CDK6: variants seen among roughly 807,000 people sequenced by gnomAD.
CDK6 encodes cyclin dependent kinase 6.
CDK6 carries 6 observed loss-of-function variants against 37.1 expected under a neutral mutation model. That is an observed-to-expected ratio of 0.16 (90% CI 0.09 to 0.32). The LOEUF (loss-of-function observed/expected upper bound fraction) is 0.32. Among genes scored for constraint, CDK6 ranks in the 10% least tolerant of loss-of-function variants. CDK6 has a pLI of 1.00. For missense variants in CDK6, 224 were observed against 418.9 expected (o/e 0.53, Z 4.06); for synonymous variants, 160 against 161.3 (o/e 0.99, Z 0.06).
At chr7:92,666,946 A>G (rs1479199145) in intron 5 of CDK6, among the ~76,000 whole-genome samples, 2 of 152,180 alleles carry the variant, frequency 1.3e-5, no homozygotes, top group African/African-American at 2.4e-5. Flanking sequence ...GTATCCTAGA[A>G]GAAGGCATTG....
chr7:92,705,647 A>C (rs1195349418), intron 4 of CDK6, among the ~76,000 whole-genome samples: 1 of 152,218 alleles, frequency 6.6e-6, no homozygotes, highest in Non-Finnish European at 1.5e-5. Context: ...ATGTTTCTAC[A>C]CAACACTACT....
Position 92,614,210 on chromosome 7 carries a change from C to CAAAAAA in CDK6, c.*924_*929dup. 4.3e-6 allele frequency: 1 copy of CAAAAAA among 232,362 alleles called. No individual in the cohort carries two copies. The highest frequency in any genetic ancestry group is 8.5e-6 in the Non-Finnish European group (1 of 117,766). The allele number at this position is 232,362 out of a possible 1,614,324, so 14.4% of individuals were successfully genotyped here. ...CAACAACAAACAACAATAACAACAA[C>CAAAAAA]AAAAAAAGGGAAGAAAGGAATTTCA... On this transcript the variant is annotated 3_prime_UTR_variant, in exon 8 of 8. Coordinates refer to ENST00000424848, the MANE Select transcript of CDK6 (RefSeq NM_001145306.2).
chr7:92,793,770 T>C (rs1304996547), intron 2 of CDK6, among the ~76,000 whole-genome samples: 2 of 151,966 alleles, frequency 1.3e-5, no homozygotes, highest in African/African-American at 4.8e-5. Flanking sequence ...AAATTAAAAA[T>C]GTTCATTCAT....
chr7:92,649,154 T>A (rs139609582), intron 5 of CDK6, among the ~76,000 whole-genome samples: 2 of 152,176 alleles, frequency 1.3e-5, no homozygotes, highest in East Asian at 3.8e-4. Context: ...AAGCCCTGAG[T>A]CACAGAAACC....
intron 3 of CDK6, among the ~76,000 whole-genome samples, chr7:92,748,815 T>A (rs1049873982): frequency 1.3e-5 from 2 of 152,140 alleles, no homozygotes; most frequent in African/African-American, 4.8e-5. Context: ...ACTACTCATA[T>A]CCCACTCCCA....
chr7:92,717,795 A>G (rs1356640403), intron 4 of CDK6, among the ~76,000 whole-genome samples: 1 of 152,216 alleles, frequency 6.6e-6, no homozygotes, highest in Non-Finnish European at 1.5e-5. Flanking sequence ...TCGCAAATCC[A>G]CTTGGTGCAA....
intron 5 of CDK6, among the ~76,000 whole-genome samples, chr7:92,654,717 TG>T (rs1282719074): frequency 6.6e-6 from 1 of 152,108 alleles, no homozygotes; most frequent in African/African-American, 2.4e-5. Flanking sequence ...GGAAAGGTAG[TG>T]GGAAGAGCTG....
chr7:92,745,366 G>T (rs1378407631), intron 3 of CDK6, among the ~76,000 whole-genome samples: 1 of 152,058 alleles, frequency 6.6e-6, no homozygotes, highest in African/African-American at 2.4e-5. Flanking sequence ...ACACAATTTT[G>T]TCTTCTGTCC....
chr7:92,627,703 C>T (rs995572980), intron 5 of CDK6, among the ~76,000 whole-genome samples: 1 of 151,720 alleles, frequency 6.6e-6, no homozygotes, highest in African/African-American at 2.4e-5. Flanking sequence ...GTTCTAAAAT[C>T]GACTGTGGTG....
chr7:92,691,440 A>T (rs1487731241), intron 4 of CDK6, among the ~76,000 whole-genome samples: 3 of 152,238 alleles, frequency 2.0e-5, no homozygotes, highest in Non-Finnish European at 2.9e-5. Flanking sequence ...TTGAGCACCT[A>T]TTACATATTG....
chr7:92,832,869 GTTTT>G (rs887798086), intron 2 of CDK6, among the ~76,000 whole-genome samples: 1 of 152,158 alleles, frequency 6.6e-6, no homozygotes, highest in African/African-American at 2.4e-5. Flanking sequence ...CTCAGGTCAT[GTTTT>G]TTTGACTTGT....
intron 3 of CDK6, among the ~76,000 whole-genome samples, chr7:92,760,297 A>G (rs554838004): frequency 6.6e-6 from 1 of 152,190 alleles, no homozygotes; most frequent in Admixed American, 6.5e-5. Flanking sequence ...TTATCATATC[A>G]TTTTTCCTAG....
intron 3 of CDK6, among the ~76,000 whole-genome samples, chr7:92,742,742 T>C (rs56149408): frequency 0.014 from 2,068 of 150,554 alleles, 33 homozygotes; most frequent in African/African-American, 0.017. Context: ...CATATATATA[T>C]ACACACACAC....
At position 92,614,724 on chromosome 7, in the gene CDK6, CACACAT is replaced by C. The variant is rs758110983; in HGVS notation, c.*410_*415del. 553 of 265,934 alleles carry C rather than the reference CACACAT, an allele frequency of 2.1e-3. 6 individuals carry two copies. The highest frequency in any genetic ancestry group is 7.5e-4 in the Non-Finnish European group (104 of 138,248). 16.5% of individuals were successfully genotyped at this position (265,934 alleles called of 1,614,324 possible). On this transcript the variant is annotated 3_prime_UTR_variant, in exon 8 of 8. Transcript: ENST00000424848. ...ACACACACACACACACACACACACA[CACACAT>C]GCACACACACACTCAAAAGTACCAA...
chr7:92,818,349 A>G (rs1276050869), intron 2 of CDK6, among the ~76,000 whole-genome samples: 1 of 152,038 alleles, frequency 6.6e-6, no homozygotes, highest in East Asian at 1.9e-4. Flanking sequence ...AAATGAAGAA[A>G]GCAAAGTATT....
intron 4 of CDK6, among the ~76,000 whole-genome samples, chr7:92,723,365 AT>A: frequency 6.6e-6 from 1 of 152,186 alleles, no homozygotes; most frequent in African/African-American, 2.4e-5. Context: ...TTCCTTTAAC[AT>A]TCCACAAATT....
chr7:92,800,086 T>C (rs922710147), intron 2 of CDK6, among the ~76,000 whole-genome samples: 2 of 152,096 alleles, frequency 1.3e-5, no homozygotes, highest in Non-Finnish European at 2.9e-5. Flanking sequence ...CATTGGCCAA[T>C]TCTAGGACTT....
chr7:92,674,114 C>G (rs1797153061), intron 4 of CDK6, among the ~76,000 whole-genome samples: 1 of 148,300 alleles, frequency 6.7e-6, no homozygotes. Flanking sequence ...AGTTCTTCAA[C>G]TAATCCTCAC....
intron 5 of CDK6, among the ~76,000 whole-genome samples, chr7:92,661,890 T>C (rs901656450): frequency 2.0e-5 from 3 of 152,184 alleles, no homozygotes; most frequent in African/African-American, 7.2e-5. Context: ...ATAAATGTTA[T>C]CTATTATTTT....
Sources: allele counts gnomAD v4.1 joint callset (sites outside exome capture counted in the v4.1 genomes callset), GRCh38; gene constraint gnomAD v4.1.1; transcripts MANE v1.5; gene names NCBI Gene and HGNC (gene_info 2026-07-23, HGNC 2026-07-21).